The following MECOM variants were observed in gnomAD, a reference collection of about 807,000 sequenced individuals.
The protein encoded by MECOM is histone-lysine N-methyltransferase MECOM.
MECOM carries 13 observed loss-of-function variants against 116.3 expected under a neutral mutation model. The observed-to-expected ratio is 0.11, with a 90% CI of 0.07 to 0.18. MECOM has a LOEUF of 0.18. Among genes scored for constraint, MECOM ranks in the 10% least tolerant of loss-of-function variants. The pLI, the probability that MECOM is intolerant of heterozygous loss-of-function variation, is 1.00. For synonymous variants in MECOM, 528 were observed against 535.2 expected (o/e 0.99, Z 0.19); for missense variants, 1,299 against 1,509.0 (o/e 0.86, Z 2.31).
intron 2 of MECOM, among the ~76,000 whole-genome samples, chr3:169,192,982 G>T (rs1186969399): frequency 1.3e-5 from 2 of 151,934 alleles, no homozygotes; most frequent in African/African-American, 4.8e-5. Context: ...ATTCCATTCA[G>T]ACATTTTATC....
At chr3:169,234,732 C>A (rs1753826327) in intron 2 of MECOM, among the ~76,000 whole-genome samples, 1 of 152,182 alleles carries the variant, frequency 6.6e-6, no homozygotes, top group Admixed American at 6.6e-5. Flanking sequence ...TACATGTCAA[C>A]CTGCTCACCA....
intron 2 of MECOM, among the ~76,000 whole-genome samples, chr3:169,226,069 C>A (rs1752692828): frequency 6.6e-6 from 1 of 152,198 alleles, no homozygotes; most frequent in Non-Finnish European, 1.5e-5. Flanking sequence ...TTTAACTTAA[C>A]AAATAATTTC....
At chr3:169,358,558 A>G (rs544145063) in intron 2 of MECOM, among the ~76,000 whole-genome samples, 1 of 151,120 alleles carries the variant, frequency 6.6e-6, no homozygotes, top group African/African-American at 2.4e-5. Flanking sequence ...TTTTCCTTTT[A>G]TAGAACAGAA....
chr3:169,327,639 C>CAA lies in MECOM; in HGVS notation c.375+53546_375+53547dup, dbSNP rs771134017. The stretch of plus-strand genomic sequence containing the variant: ...GGTGACGCAGAGTGAGACTGTGTCT[C>CAA]AAAAAAAAAAAAAAAAAAGAAAAAA... On this transcript the variant is annotated intron_variant, in intron 2 of 16. Transcript: ENST00000651503. Among the ~76,000 whole-genome samples, 112 of 69,286 alleles carry CAA rather than the reference C, an allele frequency of 1.6e-3. 1 individual carries two copies. The highest frequency in any genetic ancestry group is 9.3e-3 in the Middle Eastern group (1 of 108). The allele number at this position is 69,286 out of a possible 152,430, so 45.5% of individuals were successfully genotyped here. A position where few individuals can be genotyped will look rare whatever the true frequency, so the allele number is the denominator to read the frequency against.
chr3:169,132,568 G>A (rs1260582021), intron 3 of MECOM, among the ~76,000 whole-genome samples: 2 of 151,958 alleles, frequency 1.3e-5, no homozygotes, highest in Non-Finnish European at 2.9e-5. Context: ...GAAGTTCTAC[G>A]ATTAACTGGT....
At chr3:169,224,379 T>C (rs1205629947) in intron 2 of MECOM, among the ~76,000 whole-genome samples, 5 of 152,198 alleles carry the variant, frequency 3.3e-5, no homozygotes, top group African/African-American at 1.2e-4. Flanking sequence ...GCTGCAGTGG[T>C]CATCCAACAC....
At chr3:169,264,393 A>G (rs1435330313) in intron 2 of MECOM, among the ~76,000 whole-genome samples, 1 of 152,078 alleles carries the variant, frequency 6.6e-6, no homozygotes, top group Non-Finnish European at 1.5e-5. Flanking sequence ...CTTATTGTAC[A>G]TGTCTTTGTT....
intron 1 of MECOM, among the ~76,000 whole-genome samples, chr3:169,501,630 A>G (rs1227222203): frequency 2.6e-5 from 4 of 152,068 alleles, no homozygotes; most frequent in African/African-American, 9.7e-5. Flanking sequence ...ACAACATAAA[A>G]CATTCTTTCC....
chr3:169,442,983 G>A (rs1323767751), intron 1 of MECOM, among the ~76,000 whole-genome samples: 1 of 152,066 alleles, frequency 6.6e-6, no homozygotes, highest in Non-Finnish European at 1.5e-5. Flanking sequence ...TAGGTGCTCA[G>A]TAACTGTCTG....
chr3:169,582,702 A>G (rs1179226870), intron 1 of MECOM, among the ~76,000 whole-genome samples: 2 of 152,198 alleles, frequency 1.3e-5, no homozygotes, highest in Non-Finnish European at 2.9e-5. Flanking sequence ...CTGTAGCTAA[A>G]AACACCTTCA....
chr3:169,297,396 C>T (rs1715817208), intron 2 of MECOM, among the ~76,000 whole-genome samples: 1 of 152,180 alleles, frequency 6.6e-6, no homozygotes, highest in South Asian at 2.1e-4. Context: ...CTTATTCTAT[C>T]AATCATTAAA....
At chr3:169,645,611 C>A (rs961466870) in intron 1 of MECOM, among the ~76,000 whole-genome samples, 1 of 152,182 alleles carries the variant, frequency 6.6e-6, no homozygotes, top group African/African-American at 2.4e-5. Flanking sequence ...AGTTTCCCCA[C>A]CAATGGTCTT....
intron 2 of MECOM, among the ~76,000 whole-genome samples, chr3:169,320,667 T>C (rs1162004454): frequency 6.6e-6 from 1 of 152,234 alleles, no homozygotes; most frequent in Non-Finnish European, 1.5e-5. Context: ...AGAATTTCAA[T>C]AGGGGACAAG....
At chr3:169,226,376 A>G (rs1752730407) in intron 2 of MECOM, among the ~76,000 whole-genome samples, 1 of 152,198 alleles carries the variant, frequency 6.6e-6, no homozygotes, top group South Asian at 2.1e-4. Context: ...AGATGAATAA[A>G]GGAATTTATA....
At chr3:169,358,508 G>A (rs1015906006) in intron 2 of MECOM, among the ~76,000 whole-genome samples, 10 of 149,094 alleles carry the variant, frequency 6.7e-5, no homozygotes, top group Non-Finnish European at 1.2e-4. Flanking sequence ...ATCAAGAACT[G>A]TATGCCTTCT....
intron 2 of MECOM, among the ~76,000 whole-genome samples, chr3:169,331,456 C>T (rs1577738214): frequency 6.6e-6 from 1 of 151,968 alleles, no homozygotes; most frequent in East Asian, 1.9e-4. Flanking sequence ...TTATCATCCC[C>T]ATGAAAAAGC....
chr3:169,463,165 A>G (rs1378499025), intron 1 of MECOM, among the ~76,000 whole-genome samples: 3 of 152,186 alleles, frequency 2.0e-5, no homozygotes, highest in Non-Finnish European at 4.4e-5. Flanking sequence ...AGTTAAGTAT[A>G]AGGAAATGGA....
intron 13 of MECOM, among the ~76,000 whole-genome samples, chr3:169,093,459 G>A (rs1425605093): frequency 6.6e-6 from 1 of 152,186 alleles, no homozygotes; most frequent in African/African-American, 2.4e-5. Context: ...TCTGCCAAGA[G>A]ACACTCTATA....
intron 2 of MECOM, among the ~76,000 whole-genome samples, chr3:169,316,981 G>C (rs1472449909): frequency 6.6e-6 from 1 of 152,062 alleles, no homozygotes; most frequent in Non-Finnish European, 1.5e-5. Context: ...CACAATACTT[G>C]GTAAATTAGA....
Sources: gnomAD v4.1 joint callset for allele counts (sites outside exome capture counted in the v4.1 genomes callset) on GRCh38, gnomAD v4.1.1 for gene constraint, MANE v1.5 for transcripts, NCBI Gene and HGNC (gene_info 2026-07-23, HGNC 2026-07-21) for gene names.